Variants in ZMYM2 observed in about 807,000 individuals in gnomAD.
ZMYM2 encodes the protein zinc finger MYM-type protein 2.
In ZMYM2, 56 loss-of-function variants were observed where a neutral mutation model predicts 162.8. That is an observed-to-expected ratio of 0.34 (90% CI 0.28 to 0.43). The LOEUF is 0.43. ZMYM2 is among the 20% of genes least tolerant of loss of function. The pLI, the probability that ZMYM2 is intolerant of heterozygous loss-of-function variation, is 1.00. For missense variants in ZMYM2, 1,275 were observed against 1,621.8 expected, an observed-to-expected ratio of 0.79 and a Z score of 3.67; for synonymous variants, 510 against 541.6, an observed-to-expected ratio of 0.94 and a Z score of 0.81.
At chr13:20,015,429 G>T (rs1160042491) in intron 6 of ZMYM2, among the ~76,000 whole-genome samples, 2 of 152,132 alleles carry the variant, frequency 1.3e-5, no homozygotes, top group African/African-American at 4.8e-5. Context: ...TTATTCTACT[G>T]TTGTTGGCAA....
At chr13:20,078,064 G>A (rs1325345437) in intron 21 of ZMYM2, among the ~76,000 whole-genome samples, 3 of 151,860 alleles carry the variant, frequency 2.0e-5, no homozygotes, top group Non-Finnish European at 4.4e-5. Flanking sequence ...TGATCCACCC[G>A]CCTCGGCCTC....
intron 12 of ZMYM2, among the ~76,000 whole-genome samples, chr13:20,040,588 A>G (rs903052248): frequency 1.3e-5 from 2 of 152,010 alleles, no homozygotes; most frequent in African/African-American, 2.4e-5. Context: ...ATGGTTTTTC[A>G]TGTCTCAGTC....
chr13:19,886,414 C>T, the ZMYM2 span, among the ~76,000 whole-genome samples: 73 of 151,760 alleles, frequency 4.8e-4, no homozygotes, highest in Middle Eastern at 3.4e-3. Flanking sequence ...CTGCCTGCCT[C>T]GGCCTCCCAA....
chr13:19,951,506 AC>A, the ZMYM2 span, among the ~76,000 whole-genome samples: 1 of 125,550 alleles, frequency 8.0e-6, no homozygotes, highest in Admixed American at 1.0e-4. Flanking sequence ...CCTGGTCAAC[AC>A]GGTGAAACCC....
At chr13:19,869,800 T>A in the ZMYM2 span, among the ~76,000 whole-genome samples, 67 of 151,586 alleles carry the variant, frequency 4.4e-4, no homozygotes, top group African/African-American at 1.1e-3. Context: ...ACCAAAAAAA[T>A]AAATAAATAA....
At chr13:20,074,050 T>G (rs1291702765) in intron 21 of ZMYM2, among the ~76,000 whole-genome samples, 1 of 152,132 alleles carries the variant, frequency 6.6e-6, no homozygotes, top group Non-Finnish European at 1.5e-5. Flanking sequence ...GTAAGCCACT[T>G]TTCTACTTTC....
At chr13:20,069,686 A>G (rs1956935199) in intron 21 of ZMYM2, among the ~76,000 whole-genome samples, 1 of 152,058 alleles carries the variant, frequency 6.6e-6, no homozygotes, top group African/African-American at 2.4e-5. Context: ...TGATAATGTT[A>G]TCCTTTTTAT....
chr13:19,936,030 A>T, the ZMYM2 span, among the ~76,000 whole-genome samples: 1 of 152,214 alleles, frequency 6.6e-6, no homozygotes, highest in East Asian at 1.9e-4. Context: ...CATGACTTGC[A>T]CTTGTTAGCT....
intron 6 of ZMYM2, among the ~76,000 whole-genome samples, chr13:20,015,997 G>T (rs772041325): frequency 3.3e-5 from 5 of 151,830 alleles, no homozygotes; most frequent in Non-Finnish European, 5.9e-5. Context: ...TTTGATCCAT[G>T]TACATTTAAC....
At chr13:19,957,034 A>G, upstream of ZMYM2, among the ~76,000 whole-genome samples, 1 of 152,238 alleles carries the variant, frequency 6.6e-6, no homozygotes, top group African/African-American at 2.4e-5. Flanking sequence ...TTTCCTAAAA[A>G]TTAGTGATAC....
intron 22 of ZMYM2, among the ~76,000 whole-genome samples, chr13:20,082,416 T>C (rs779972848): frequency 3.3e-4 from 50 of 152,310 alleles, no homozygotes; most frequent in Non-Finnish European, 4.6e-4. Flanking sequence ...TAAATTTCTC[T>C]TAAACCACTG....
Position 20,002,966 on chromosome 13 carries a change from C to G in ZMYM2, c.964C>G (p.Gln322Glu). ...KQIFQPSVQQ[Q>E]PTKPVKVTCA... is the part of the protein sequence containing the mutation. ...GATTTTCCAGCCGTCTGTCCAACAG[C>G]AGCCTACTAAACCAGTTAAAGTCAC... Residue 322 changes from glutamine to glutamate, a missense_variant, in exon 4 of 25, where the codon CAG becomes GAG. Physicochemically the swap from Gln to Glu is conservative, Grantham distance 29. Transcript: ENST00000610343. The G allele has an allele frequency of 6.2e-7, 1 of 1,614,160 alleles. No individual in the cohort carries two copies. The highest frequency in any genetic ancestry group is 8.5e-7 in the Non-Finnish European group (1 of 1,180,020).
intron 13 of ZMYM2, 85 bp from the exon 14 acceptor site, chr13:20,052,192 T>C: frequency 8.8e-7 from 1 of 1,141,980 alleles, no homozygotes; most frequent in Non-Finnish European, 1.2e-6. Context: ...CATTTTAAAT[T>C]GGTGAAATTT....
chr13:19,929,490 G>A, the ZMYM2 span, among the ~76,000 whole-genome samples: 179 of 152,122 alleles, frequency 1.2e-3, 1 homozygote, highest in African/African-American at 4.2e-3. Flanking sequence ...TGCCCGCCTC[G>A]ACCTCCCAAA....
upstream of ZMYM2, among the ~76,000 whole-genome samples, chr13:19,956,683 A>T (rs954594137): frequency 1.3e-5 from 2 of 152,248 alleles, no homozygotes; most frequent in Non-Finnish European, 2.9e-5. Context: ...CTAGGGAATT[A>T]GTAGCAGTAT....
chr13:20,074,150 A>G (rs1957299987), intron 21 of ZMYM2, among the ~76,000 whole-genome samples: 1 of 151,834 alleles, frequency 6.6e-6, no homozygotes, highest in South Asian at 2.1e-4. Context: ...TTCATGTAGC[A>G]TAATATACTC....
rs1249185410 is a variant in ZMYM2, at chr13:19,958,797, C to G, written c.-124C>G. 1 of 150,040 alleles carries G rather than the reference C, an allele frequency of 6.7e-6. No individual in the cohort carries two copies. Among genetic ancestry groups the G allele is most frequent in the Non-Finnish European group, 1.5e-5 (1 of 67,416 alleles). The allele number at this position is 150,040 out of a possible 1,614,324, so 9.3% of individuals were successfully genotyped here. ...GTGCGTGTCGCCGAAGGGGGGTGGG[C>G]CGGGGGAGGGGAGGTTCGTTCCGCG... On this transcript the variant is annotated 5_prime_UTR_variant, in exon 1 of 25. Coordinates refer to ENST00000610343, the MANE Select transcript of ZMYM2 (RefSeq NM_197968.4).
chr13:20,088,025 A>AT lies in ZMYM2; in HGVS notation c.*2012dup, dbSNP rs1173246992. 4 of 195,710 alleles carry AT rather than the reference A, an allele frequency of 2.0e-5. No individual in the cohort carries two copies. The highest frequency in any genetic ancestry group is 4.3e-5 in the Non-Finnish European group (4 of 94,062). 12.1% of individuals were successfully genotyped at this position (195,710 alleles called of 1,614,324 possible). On this transcript the variant is annotated 3_prime_UTR_variant, in exon 25 of 25. Coordinates refer to ENST00000610343, the MANE Select transcript of ZMYM2 (RefSeq NM_197968.4). ...TGTCACTTATTGTATATGTTACCAA[A>AT]TACCATGAATTTCTGCCATAGTACT...
At chr13:19,903,483 C>CTAAAAAAA in the ZMYM2 span, among the ~76,000 whole-genome samples, 1 of 83,724 alleles carries the variant, frequency 1.2e-5, no homozygotes, top group Non-Finnish European at 2.3e-5. Context: ...ACTAAAAATA[C>CTAAAAAAA]AAAAAAAAAA....
Sources: allele counts gnomAD v4.1 joint callset (sites outside exome capture counted in the v4.1 genomes callset), GRCh38; gene constraint gnomAD v4.1.1; transcripts MANE v1.5; gene names NCBI Gene and HGNC (gene_info 2026-07-23, HGNC 2026-07-21).